The following AFAP1L1 variants were observed in gnomAD, a reference collection of about 807,000 sequenced individuals.
The protein encoded by AFAP1L1 is actin filament-associated protein 1-like 1.
A neutral mutation model predicts 99.8 loss-of-function variants in AFAP1L1; 77 were observed. That is an observed-to-expected ratio of 0.77 (90% CI 0.64 to 0.93). AFAP1L1 has a LOEUF of 0.93. AFAP1L1 is among the 40% of genes least tolerant of loss of function. The pLI is 0.00. For missense variants in AFAP1L1, 893 were observed against 996.8 expected (o/e 0.90, Z 1.40); for synonymous variants, 373 against 395.3 (o/e 0.94, Z 0.67).
At position 149,299,584 on chromosome 5, in the gene AFAP1L1, T is replaced by C. The variant is rs2127593772; in HGVS notation, c.92T>C (p.Leu31Pro). ...LDHEYLSDTT[L>P]EKKMAVASIL... is the part of the protein sequence containing the mutation. ...CACGAGTACCTCAGCGATACCACCC[T>C]GGAAAAGAAGATGGCCGTGGCCTCC... Residue 31 changes from leucine (L) to proline (P), a missense_variant, in exon 2 of 19, where the codon CTG (leucine) becomes CCG (proline). By Grantham distance (98) the Leu-to-Pro change is moderately conservative. Transcript: ENST00000296721. 6.2e-7 allele frequency: 1 copy of C among 1,614,024 alleles called. No homozygotes were observed. Among genetic ancestry groups the C allele is most frequent in the Non-Finnish European group, 8.5e-7 (1 of 1,179,952 alleles).
intron 1 of AFAP1L1, among the ~76,000 whole-genome samples, chr5:149,292,957 T>C (rs1271832364): frequency 3.3e-5 from 5 of 152,190 alleles, no homozygotes; most frequent in Non-Finnish European, 7.3e-5. Flanking sequence ...AGGGGGTCCT[T>C]GGAATGTGAG....
chr5:149,321,722 C>CAAAAAAAAAAAA (rs57366142), intron 14 of AFAP1L1, among the ~76,000 whole-genome samples: 2 of 63,768 alleles, frequency 3.1e-5, no homozygotes, highest in East Asian at 5.3e-4. Context: ...GACTCTGTCT[C>CAAAAAAAAAAAA]AAAAAAAAAA....
At chr5:149,312,005 G>A (rs1256714214) in intron 8 of AFAP1L1, 107 bp from the exon 9 acceptor site, 1 of 1,003,158 alleles carries the variant, frequency 1.0e-6, no homozygotes, top group Non-Finnish European at 1.5e-6. Context: ...GTTCCCCACA[G>A]TGGCCCTGAC....
chr5:149,288,453 A>C (rs1755749983), intron 1 of AFAP1L1, among the ~76,000 whole-genome samples: 1 of 152,176 alleles, frequency 6.6e-6, no homozygotes, highest in Non-Finnish European at 1.5e-5. Flanking sequence ...TCACTTTAGC[A>C]CTTGAAAATA....
At chr5:149,322,769 A>C in intron 15 of AFAP1L1, 52 bp downstream of exon 15, 6 of 1,416,246 alleles carry the variant, frequency 4.2e-6, no homozygotes, top group Non-Finnish European at 5.8e-6. Context: ...GAAAGGAAGC[A>C]GTCTATAGGA....
Position 149,319,614 on chromosome 5 carries a change from C to T in AFAP1L1, c.1512C>T (p.Leu504=), listed in dbSNP as rs749541118. Residue 504 remains leucine, a synonymous_variant, in exon 13 of 19, where the codon CTC becomes CTT. Coordinates refer to ENST00000296721, the MANE Select transcript of AFAP1L1 (RefSeq NM_152406.4). The part of the protein sequence containing the change: ...ASCSEDMGRW[L]GLLLVEMGSR... The stretch of plus-strand genomic sequence containing the variant: ...GTTCAGAGGACATGGGTCGCTGGCT[C>T]GGGCTGCTGCTGGTGGAGATGGGCT... The T allele has an allele frequency of 6.2e-6, 10 of 1,613,130 alleles. No individual in the cohort carries two copies. Among genetic ancestry groups the T allele is most frequent in the African/African-American group, 4.0e-5 (3 of 75,014 alleles).
rs1435459935 is a variant in AFAP1L1 at position 149,342,160 on chromosome 5, A to G, written c.*2130A>G. Among the ~76,000 whole-genome samples the G allele has an allele frequency of 6.6e-6, 1 of 152,236 alleles. No individual in the cohort carries two copies. The highest frequency in any genetic ancestry group is 1.5e-5 in the Non-Finnish European group (1 of 68,044). On this transcript the variant is annotated 3_prime_UTR_variant, in exon 19 of 19. Coordinates refer to ENST00000296721, the MANE Select transcript of AFAP1L1 (RefSeq NM_152406.4). ...TTAATGCTCTACTATTGCCTTCTTAATCATATTTGAACAAGGAGTTCTGCT... is the reference window on the plus strand; with the variant it reads ...TTAATGCTCTACTATTGCCTTCTTAGTCATATTTGAACAAGGAGTTCTGCT...
At chr5:149,317,623 G>T in intron 11 of AFAP1L1, 106 bp from the exon 12 acceptor site, 4 of 1,191,330 alleles carry the variant, frequency 3.4e-6, no homozygotes, top group Non-Finnish European at 4.8e-6. Context: ...AAAGAGAGCT[G>T]ACCAGGACCC....
In AFAP1L1 at chr5:149,307,643, G is replaced by A. The variant is rs370605092; in HGVS notation, c.747+30G>A. 4,448 of 1,604,308 alleles carry A rather than the reference G, an allele frequency of 2.8e-3. 129 individuals are homozygous for A. The South Asian group carries it at 0.047, about 17-fold the overall frequency. On this transcript the variant is annotated intron_variant, in intron 7 of 18. Transcript: ENST00000296721. ...GTGGTCAGCAGCAGCCATGTGCCTC[G>A]GCCTCACATGGACTTGCATGTGGGT...
chr5:149,291,524 C>CAAAAAAAAA (rs1229134807), intron 1 of AFAP1L1, among the ~76,000 whole-genome samples: 10 of 13,384 alleles, frequency 7.5e-4, no homozygotes, highest in Non-Finnish European at 9.5e-4. Context: ...GACTCCGTCT[C>CAAAAAAAAA]AAAAAAAAAA....
intron 5 of AFAP1L1, among the ~76,000 whole-genome samples, chr5:149,304,727 A>AC (rs528032423): frequency 1.9e-3 from 292 of 150,326 alleles, no homozygotes; most frequent in Non-Finnish European, 2.4e-3. Flanking sequence ...TTCACACCTG[A>AC]CCCCCCCGTT....
intron 1 of AFAP1L1, among the ~76,000 whole-genome samples, chr5:149,277,861 G>A (rs575122558): frequency 1.7e-4 from 26 of 152,122 alleles, no homozygotes; most frequent in African/African-American, 5.3e-4. Flanking sequence ...GGAGTCATAC[G>A]GGGCCGTATG....
At chr5:149,279,361 G>A (rs1218272638) in intron 1 of AFAP1L1, among the ~76,000 whole-genome samples, 2 of 151,246 alleles carry the variant, frequency 1.3e-5, no homozygotes, top group Non-Finnish European at 2.9e-5. Flanking sequence ...GGGAAGCCAC[G>A]GAATGGCTTA....
At chr5:149,305,416 T>G (rs757977930) in intron 5 of AFAP1L1, among the ~76,000 whole-genome samples, 5 of 152,214 alleles carry the variant, frequency 3.3e-5, no homozygotes, top group African/African-American at 4.8e-5. Flanking sequence ...TTTTCCCAAC[T>G]CATTGGAGTC....
chr5:149,278,342 T>C (rs1755405116), intron 1 of AFAP1L1, among the ~76,000 whole-genome samples: 1 of 152,140 alleles, frequency 6.6e-6, no homozygotes, highest in Non-Finnish European at 1.5e-5. Flanking sequence ...GAGAACCCTC[T>C]CTGACGGGTC....
rs1043783893 is a variant in AFAP1L1 at position 149,343,371 on chromosome 5, C to T, written c.*3341C>T. Among the ~76,000 whole-genome samples the T allele has an allele frequency of 2.0e-4, 30 of 152,088 alleles. No individual in the cohort carries two copies. Among genetic ancestry groups the T allele is most frequent in the Admixed American group, 6.5e-5 (1 of 15,272 alleles). ...GACTATCCAGTAACTAAGCTGGCAA[C>T]TCCAAGTGCCCTGGACCCCAGTCAC... On this transcript the variant is annotated 3_prime_UTR_variant, in exon 19 of 19. Coordinates refer to ENST00000296721, the MANE Select transcript of AFAP1L1 (RefSeq NM_152406.4).
intron 1 of AFAP1L1, among the ~76,000 whole-genome samples, chr5:149,292,322 T>A (rs1484551148): frequency 6.6e-6 from 1 of 152,254 alleles, no homozygotes; most frequent in Non-Finnish European, 1.5e-5. Context: ...GATAAATACC[T>A]CTTGCTTTTC....
At chr5:149,318,095 A>G (rs576275985) in intron 12 of AFAP1L1, among the ~76,000 whole-genome samples, 155 bp downstream of exon 12, 2 of 152,220 alleles carry the variant, frequency 1.3e-5, no homozygotes, top group Non-Finnish European at 2.9e-5. Context: ...CAAGTAGATT[A>G]TAAGACAACA....
intron 15 of AFAP1L1, among the ~76,000 whole-genome samples, chr5:149,326,542 A>G: frequency 1.9e-5 from 1 of 53,248 alleles, no homozygotes; most frequent in South Asian, 1.4e-3. Flanking sequence ...CTGTCGCCAA[A>G]AATAAAAAAA....
Sources: allele counts gnomAD v4.1 joint callset (sites outside exome capture counted in the v4.1 genomes callset), GRCh38; gene constraint gnomAD v4.1.1; transcripts MANE v1.5; gene names NCBI Gene and HGNC (gene_info 2026-07-23, HGNC 2026-07-21).